GRHL1: variants seen among roughly 807,000 people sequenced by gnomAD.
The protein encoded by GRHL1 is grainyhead like transcription factor 1.
GRHL1 carries 38 observed loss-of-function variants against 75.7 expected under a neutral mutation model. The ratio of observed to expected loss-of-function variants is 0.50; its 90% confidence interval spans 0.39 to 0.66. The LOEUF (loss-of-function observed/expected upper bound fraction) is 0.66, where lower values mean the gene tolerates loss of function less well. Among genes scored for constraint, GRHL1 ranks in the 30% least tolerant of loss-of-function variants. The pLI is 0.00. For synonymous variants in GRHL1, 266 were observed against 279.4 expected (o/e 0.95, Z 0.48); for missense variants, 589 against 767.5 (o/e 0.77, Z 2.75).
At chr2:9,998,804 A>G (rs1162113857) in intron 14 of GRHL1, among the ~76,000 whole-genome samples, 161 bp from the exon 15 acceptor site, 1 of 67,970 alleles carries the variant, frequency 1.5e-5, no homozygotes, top group African/African-American at 9.3e-5. Context: ...ACACACATAT[A>G]TATACGTATA....
At position 10,001,945 on chromosome 2, in the gene GRHL1, T is replaced by C. The variant is rs1052835; in HGVS notation, c.*1238T>C. 79,639 of 152,464 alleles carry C rather than the reference T, an allele frequency of 0.52. 21,977 individuals are homozygous for C. The highest frequency in any genetic ancestry group is 0.71 in the African/African-American group (29,301 of 41,478). 9.4% of individuals were successfully genotyped at this position (152,464 alleles called of 1,614,324 possible). A position where few individuals can be genotyped will look rare whatever the true frequency, so the allele number is the denominator to read the frequency against. On this transcript the variant is annotated 3_prime_UTR_variant, in exon 16 of 16. Transcript: ENST00000324907. ...AAACATTCATGAATTCACAAAAATATGTTACTATGGCAGGGGAACATTTTG... is the reference window on the plus strand; with the variant it reads ...AAACATTCATGAATTCACAAAAATACGTTACTATGGCAGGGGAACATTTTG...
At chr2:9,981,548 C>T (rs1572369944) in intron 8 of GRHL1, among the ~76,000 whole-genome samples, 5 of 152,216 alleles carry the variant, frequency 3.3e-5, no homozygotes, top group East Asian at 1.9e-4. Flanking sequence ...TATCGAAACA[C>T]GACCACACTC....
In GRHL1 at chr2:9,986,108, T is replaced by G. The variant is rs549154968; in HGVS notation, c.1111-16T>G. 6.3e-7 allele frequency: 1 copy of G among 1,597,306 alleles called. No individual in the cohort carries two copies. The highest frequency in any genetic ancestry group is 1.1e-5 in the South Asian group (1 of 89,058). On this transcript the variant is annotated splice_polypyrimidine_tract_variant and intron_variant, in intron 8 of 15. Transcript: ENST00000324907. ...TTGGTGCCTGTTGCTTATGGAACCTTCTCTTCCCTTGGCAGGTTTTCATCT... is the reference window on the plus strand; with the variant it reads ...TTGGTGCCTGTTGCTTATGGAACCTGCTCTTCCCTTGGCAGGTTTTCATCT...
chr2:9,975,238 G>A (rs1466747663), intron 8 of GRHL1, among the ~76,000 whole-genome samples: 1 of 152,174 alleles, frequency 6.6e-6, no homozygotes, highest in Non-Finnish European at 1.5e-5. Context: ...CCATTGAAGG[G>A]ATAAACCTGT....
chr2:9,961,540 T>C (rs16867257), intron 4 of GRHL1, 104 bp downstream of exon 4: 153,168 of 1,124,806 alleles, frequency 0.14, 13,406 homozygotes, highest in African/African-American at 0.39. Context: ...CTGAAATGAA[T>C]GGATTAGGAA....
chr2:9,961,159 G>T lies in GRHL1; in HGVS notation c.392G>T (p.Gly131Val), dbSNP rs762037569. The T allele has an allele frequency of 1.2e-6, 2 of 1,613,650 alleles. No individual in the cohort carries two copies. The highest frequency in any genetic ancestry group is 1.7e-5 in the Admixed American group (1 of 59,948). The stretch of plus-strand genomic sequence containing the variant: ...GTCCTTCCCCATGGCAACCAGCTGG[G>T]CATTGATAAGAGAGGCCATCTGACA... ...NIVLPHGNQL[G>V]IDKRGHLTAP... Residue 131 changes from glycine (G) to valine (V), a missense_variant, in exon 4 of 16, where the codon GGC becomes GTC. This residue lies in a region of GRHL1 where 362 missense variants were observed against 461.8 expected (regional missense o/e 0.78). Transcript: ENST00000324907.
intron 8 of GRHL1, chr2:9,965,662 C>T (rs935299495): frequency 4.9e-5 from 20 of 407,722 alleles, no homozygotes; most frequent in Admixed American, 7.9e-5. Flanking sequence ...TGCTTTGCCT[C>T]ATTTCCTCAT....
At chr2:9,982,972 C>T (rs36033432) in intron 8 of GRHL1, among the ~76,000 whole-genome samples, 38,978 of 151,892 alleles carry the variant, frequency 0.26, 5,265 homozygotes, top group Admixed American at 0.34. Context: ...AGGTAAGGAC[C>T]CTTGCACTGG....
rs1232650029 is a variant in GRHL1 at position 10,001,629 on chromosome 2, T to A, written c.*922T>A. 6.6e-6 allele frequency: 1 copy of A among 152,254 alleles called. No individual in the cohort carries two copies. Among genetic ancestry groups the A allele is most frequent in the Non-Finnish European group, 1.5e-5 (1 of 68,038 alleles). 9.4% of individuals were successfully genotyped at this position (152,254 alleles called of 1,614,324 possible). A position where few individuals can be genotyped will look rare whatever the true frequency, so the allele number is the denominator to read the frequency against. On this transcript the variant is annotated 3_prime_UTR_variant, in exon 16 of 16. Coordinates refer to ENST00000324907, the MANE Select transcript of GRHL1 (RefSeq NM_198182.3). ...TGTAGCATAGCAAAACCTTCTCAAA[T>A]GACAGAGATTCTGTTTGCTGTTGAG...
In GRHL1 at chr2:9,995,748, A is replaced by C. The variant is rs1049448381; in HGVS notation, c.1500-131A>C. 6.2e-6 allele frequency: 4 copies of C among 647,754 alleles called. No homozygotes were observed. The African/African-American group carries it at 7.3e-5, about 12-fold the overall frequency. 40.1% of individuals were successfully genotyped at this position (647,754 alleles called of 1,614,324 possible). A position where few individuals can be genotyped will look rare whatever the true frequency, so the allele number is the denominator to read the frequency against. ...CCTTTAGCCTGATTTTTCATCCACA[A>C]ATAAGGAAGCTGGACCAGATAAAGA... On this transcript the variant is annotated intron_variant, in intron 12 of 15. Transcript: ENST00000324907.
At position 9,995,891 on chromosome 2, in the gene GRHL1, A is replaced by G; in HGVS notation, c.1512A>G (p.Lys504=). 3 of 1,609,878 alleles carry G rather than the reference A, an allele frequency of 1.9e-6. No individual in the cohort carries two copies. The highest frequency in any genetic ancestry group is 2.6e-6 in the Non-Finnish European group (3 of 1,176,108). Residue 504 remains lysine, a synonymous_variant, in exon 13 of 16, where the codon AAA becomes AAG. Coordinates refer to ENST00000324907, the MANE Select transcript of GRHL1 (RefSeq NM_198182.3). ...TGGATCACTGCAGCTCTGTCTTGAA[A>G]AGGGGGCCGTACGGCACAGAAGATG... The part of the protein sequence containing the change: ...EELEGEGSVL[K]RGPYGTEDDF...
At chr2:9,962,410 T>C in intron 4 of GRHL1, 45 bp from the exon 5 acceptor site, 2 of 1,091,254 alleles carry the variant, frequency 1.8e-6, no homozygotes, top group Non-Finnish European at 2.8e-6. Context: ...TTAGTAAGCA[T>C]GATAACCAGT....
At chr2:9,995,828 G>A (rs41264205) in intron 12 of GRHL1, 51 bp from the exon 13 acceptor site, 191,848 of 1,013,592 alleles carry the variant, frequency 0.19, 18,932 homozygotes, top group African/African-American at 0.24. Context: ...CCTTAATGTT[G>A]ATGCAGCTGG....
In GRHL1 at chr2:9,951,910, C is replaced by T; in HGVS notation, c.20+57C>T. ...GGGGGGCCGCGCTGAGGGGCCGCAC[C>T]TGCAGCGAGCGAGCCGGGCGCAGAC... On this transcript the variant is annotated intron_variant, in intron 1 of 15. Transcript: ENST00000324907. The surrounding 1 kb of genome is among the most constrained non-coding windows in gnomAD (Gnocchi z 4.2). 2 of 1,222,992 alleles carry T rather than the reference C, an allele frequency of 1.6e-6. No homozygotes were observed. The highest frequency in any genetic ancestry group is 2.1e-6 in the Non-Finnish European group (2 of 954,010). 75.8% of individuals were successfully genotyped at this position (1,222,992 alleles called of 1,614,324 possible).
intron 8 of GRHL1, among the ~76,000 whole-genome samples, chr2:9,971,045 A>G (rs1667703102): frequency 6.6e-6 from 1 of 152,066 alleles, no homozygotes; most frequent in Non-Finnish European, 1.5e-5. Flanking sequence ...GAGGGGTGTA[A>G]CCATCCTGGT....
chr2:9,980,947 T>C lies in GRHL1; in HGVS notation c.1111-5177T>C, dbSNP rs140205655. The stretch of plus-strand genomic sequence containing the variant: ...TCACAGTGATAATTTGTCTGCAGGA[T>C]AGGAATGGTCCGAGCCTGGTTTTAC... On this transcript the variant is annotated intron_variant, in intron 8 of 15. Transcript: ENST00000324907. Among the ~76,000 whole-genome samples the C allele has an allele frequency of 3.8e-4, 58 of 152,326 alleles. No homozygotes were observed. In the East Asian group the frequency reaches 6.9e-3, roughly 18 times the overall value.
chr2:9,997,801 A>G (rs1458083141), intron 14 of GRHL1, among the ~76,000 whole-genome samples: 1 of 151,048 alleles, frequency 6.6e-6, no homozygotes, highest in Non-Finnish European at 1.5e-5. Flanking sequence ...CCAGCCTGGC[A>G]TAGCAAGACT....
Position 9,962,475 on chromosome 2 carries a change from C to T in GRHL1, c.690C>T (p.Leu230=), listed in dbSNP as rs781505751. ...GVQEVFFPSD[L]SLRMPGMNSE... is the part of the protein sequence containing the mutation. Reference sequence around the variant, plus strand: ...TTCAGGTTTTCTTCCCCTCGGATCTCAGTCTGCGGATGCCTGGCATGAATT... The same window carrying T: ...TTCAGGTTTTCTTCCCCTCGGATCTTAGTCTGCGGATGCCTGGCATGAATT... The change falls in exon 5 of 16, where the codon CTC becomes CTT. Residue 230 remains leucine (L), a synonymous_variant. Transcript: ENST00000324907. The T allele has an allele frequency of 6.2e-7, 1 of 1,600,378 alleles. No individual in the cohort carries two copies. Among genetic ancestry groups the T allele is most frequent in the Non-Finnish European group, 8.6e-7 (1 of 1,167,440 alleles).
intron 8 of GRHL1, among the ~76,000 whole-genome samples, chr2:9,978,852 G>T (rs1323577576): frequency 6.6e-6 from 1 of 152,048 alleles, no homozygotes; most frequent in Non-Finnish European, 1.5e-5. Context: ...TTAGCCATGT[G>T]TGGTGACGGG....
Sources: allele counts gnomAD v4.1 joint callset (sites outside exome capture counted in the v4.1 genomes callset), GRCh38; gene constraint gnomAD v4.1.1; regional missense constraint gnomAD v4.1.1; non-coding constraint Gnocchi (gnomAD v3.1); transcripts MANE v1.5; gene names NCBI Gene and HGNC (gene_info 2026-07-23, HGNC 2026-07-21).